The following ANKRD44 variants were observed in gnomAD, a reference collection of about 807,000 sequenced individuals.
ANKRD44 encodes the protein serine/threonine-protein phosphatase 6 regulatory ankyrin repeat subunit B.
In ANKRD44, 35 loss-of-function variants were observed where a neutral mutation model predicts 116.0. The observed-to-expected ratio is 0.30, with a 90% CI of 0.23 to 0.40. The LOEUF is 0.40. ANKRD44 is among the 10% of genes least tolerant of loss of function. ANKRD44 has a pLI of 1.00. For synonymous variants in ANKRD44, 435 were observed against 461.8 expected, an observed-to-expected ratio of 0.94 and a Z score of 0.74; for missense variants, 1,014 against 1,242.6, an observed-to-expected ratio of 0.82 and a Z score of 2.77.
intron 1 of ANKRD44, among the ~76,000 whole-genome samples, chr2:197,300,791 TTCAC>T (rs2105909719): frequency 6.7e-6 from 1 of 149,882 alleles, no homozygotes; most frequent in African/African-American, 2.5e-5. Flanking sequence ...GAGACAGAGT[TTCAC>T]TCTTGTCGCC....
At chr2:197,097,238 G>T (rs1022829431) in intron 10 of ANKRD44, among the ~76,000 whole-genome samples, 1 of 152,090 alleles carries the variant, frequency 6.6e-6, no homozygotes, top group Non-Finnish European at 1.5e-5. Context: ...ATGGATTCAA[G>T]TCTGGAAGAA....
At chr2:197,015,535 G>A in intron 17 of ANKRD44, 1 of 493,912 alleles carries the variant, frequency 2.0e-6, no homozygotes, top group South Asian at 2.3e-5. Context: ...AGGTCGTGGA[G>A]GTGGATCTGG....
intron 1 of ANKRD44, among the ~76,000 whole-genome samples, chr2:197,214,198 G>C (rs2081388041): frequency 1.3e-5 from 2 of 151,564 alleles, no homozygotes; most frequent in African/African-American, 4.9e-5. Flanking sequence ...GGTTATTATA[G>C]AAAAAAAACC....
In ANKRD44 at chr2:196,987,950, T is replaced by C. The variant is rs1027319707; in HGVS notation, c.*1641A>G. The stretch of plus-strand genomic sequence containing the variant: ...GTCATTTCTTTAAAAAAATTTTGCC[T>C]TGGGGTATGGGAGAAAGAGAAAGAG... On this transcript the variant is annotated 3_prime_UTR_variant, in exon 28 of 28. Transcript: ENST00000282272. 82 of 985,096 alleles carry C rather than the reference T, an allele frequency of 8.3e-5. No homozygotes were observed. The highest frequency in any genetic ancestry group is 6.2e-5 in the Admixed American group (1 of 16,238). 61.0% of individuals were successfully genotyped at this position (985,096 alleles called of 1,614,324 possible).
At chr2:197,284,395 G>GA (rs1233593579) in intron 1 of ANKRD44, among the ~76,000 whole-genome samples, 11 of 151,618 alleles carry the variant, frequency 7.3e-5, no homozygotes, top group African/African-American at 1.9e-4. Flanking sequence ...TTCTTAGAAG[G>GA]AAAAAAACTA....
At chr2:197,015,619 A>T in intron 17 of ANKRD44, 1 of 548,972 alleles carries the variant, frequency 1.8e-6, no homozygotes, top group Non-Finnish European at 3.3e-6. Context: ...CTTTGGTGGA[A>T]GAAGAGGCTA....
intron 1 of ANKRD44, among the ~76,000 whole-genome samples, chr2:197,266,717 T>C (rs768519086): frequency 2.0e-5 from 3 of 151,606 alleles, no homozygotes; most frequent in Non-Finnish European, 4.4e-5. Context: ...AAACCGCACT[T>C]CCTACTACCT....
chr2:197,069,435 A>G (rs989585111), intron 16 of ANKRD44, among the ~76,000 whole-genome samples: 3 of 152,144 alleles, frequency 2.0e-5, no homozygotes, highest in African/African-American at 7.2e-5. Flanking sequence ...GTACCCTAGA[A>G]CTTAAAGTAT....
intron 1 of ANKRD44, among the ~76,000 whole-genome samples, chr2:197,298,620 C>T (rs1466628815): frequency 1.3e-5 from 2 of 152,044 alleles, no homozygotes; most frequent in African/African-American, 2.4e-5. Flanking sequence ...TAAATAGGTG[C>T]CCTGAGAAAA....
At position 196,986,924 on chromosome 2, in the gene ANKRD44, G is replaced by A; in HGVS notation, c.*2667C>T. ...AAAACATTATAGACAAAATCCCACTGAAATCATCAAACAATATTTTATGCT... is the reference window on the plus strand; with the variant it reads ...AAAACATTATAGACAAAATCCCACTAAAATCATCAAACAATATTTTATGCT... On this transcript the variant is annotated 3_prime_UTR_variant, in exon 28 of 28. Coordinates refer to ENST00000282272, the MANE Select transcript of ANKRD44 (RefSeq NM_001195144.2). 1.0e-6 allele frequency: 1 copy of A among 985,324 alleles called. No individual in the cohort carries two copies. The highest frequency in any genetic ancestry group is 1.2e-6 in the Non-Finnish European group (1 of 829,868). 61.0% of individuals were successfully genotyped at this position (985,324 alleles called of 1,614,324 possible).
At chr2:197,073,396 G>A (rs941525646) in intron 16 of ANKRD44, among the ~76,000 whole-genome samples, 1 of 152,128 alleles carries the variant, frequency 6.6e-6, no homozygotes, top group African/African-American at 2.4e-5. Flanking sequence ...CAGCCTTCCC[G>A]AGTGGGATCA....
rs118063719 is a variant in ANKRD44, at chr2:197,167,848, A to G, written c.111+19175T>C. ...AAACATGCAGATTTTCCCCTTTACC[A>G]TACTCTTCTTCCCTAAGAGTGAGAC... On this transcript the variant is annotated intron_variant, in intron 2 of 27. Transcript: ENST00000282272. 3.9e-4 allele frequency among the ~76,000 whole-genome samples: 60 copies of G among 152,258 alleles called. No homozygotes were observed. In the East Asian group the frequency reaches 0.011, roughly 27 times the overall value.
At chr2:197,024,850 A>C (rs2076561340) in intron 17 of ANKRD44, among the ~76,000 whole-genome samples, 1 of 152,232 alleles carries the variant, frequency 6.6e-6, no homozygotes. Flanking sequence ...TCGCTAATCA[A>C]ATCTCTTAAA....
intron 23 of ANKRD44, among the ~76,000 whole-genome samples, chr2:197,000,208 A>G (rs1191475687): frequency 6.6e-6 from 1 of 152,222 alleles, no homozygotes; most frequent in Non-Finnish European, 1.5e-5. Flanking sequence ...AAATTTGTAA[A>G]TAACAGTGTA....
intron 2 of ANKRD44, among the ~76,000 whole-genome samples, chr2:197,153,461 A>C (rs1426553010): frequency 6.6e-6 from 1 of 152,148 alleles, no homozygotes; most frequent in East Asian, 1.9e-4. Flanking sequence ...TACACACAAC[A>C]GGTACCTCGG....
rs1331864999 is a variant in ANKRD44, at chr2:196,993,598, C to T, written c.2908G>A (p.Ala970Thr). 6.4e-7 allele frequency: 1 copy of T among 1,550,960 alleles called. No homozygotes were observed. The highest frequency in any genetic ancestry group is 8.7e-7 in the Non-Finnish European group (1 of 1,147,024). ...ELLAKGACVL[A>T]VDENASRSNG... ...TTCCACTTACCATTTTCATCTACAG[C>T]AAGTACACAGGCCCCTTTGGCCAGC... is the stretch of plus-strand genomic sequence containing the variant. The change falls in exon 27 of 28, where the codon GCT becomes ACT. Residue 970 changes from alanine (A) to threonine (T), a missense_variant. Physicochemically the swap from Ala to Thr is moderately conservative, Grantham distance 58. Coordinates refer to ENST00000282272, the MANE Select transcript of ANKRD44 (RefSeq NM_001195144.2).
At chr2:197,187,256 C>T (rs1559134365) in intron 1 of ANKRD44, 150 bp from the exon 2 acceptor site, 2 of 696,444 alleles carry the variant, frequency 2.9e-6, no homozygotes, top group Non-Finnish European at 4.9e-6. Context: ...CCAACCCTTA[C>T]AAGAAGTCCA....
At chr2:197,106,680 C>T (rs2078435982) in intron 9 of ANKRD44, among the ~76,000 whole-genome samples, 1 of 151,602 alleles carries the variant, frequency 6.6e-6, no homozygotes, top group Non-Finnish European at 1.5e-5. Context: ...GTCCCAGCTA[C>T]TCGGGAGGCT....
At position 197,243,114 on chromosome 2, in the gene ANKRD44, A is replaced by G. The variant is rs147530654; in HGVS notation, c.28-56008T>C. On this transcript the variant is annotated intron_variant, in intron 1 of 27. Transcript: ENST00000282272. ...AAGTGCTCTAATGATTGCAGTAGAT[A>G]CACAGAATAATATTAGAAAAGCTCT... Among the ~76,000 whole-genome samples the G allele has an allele frequency of 4.3e-4, 65 of 152,354 alleles. 1 individual carries two copies. In the East Asian group the frequency reaches 0.01, roughly 23 times the overall value.
Sources: allele counts gnomAD v4.1 joint callset (sites outside exome capture counted in the v4.1 genomes callset), GRCh38; gene constraint gnomAD v4.1.1; transcripts MANE v1.5; gene names NCBI Gene and HGNC (gene_info 2026-07-23, HGNC 2026-07-21).